RNPC3: variants seen among roughly 807,000 people sequenced by gnomAD.
RNPC3 encodes the protein RNA binding region (RNP1, RRM) containing 3.
Under a neutral mutation model 67.5 loss-of-function variants are expected in RNPC3, and 48 were observed. The ratio of observed to expected loss-of-function variants is 0.71; its 90% CI spans 0.56 to 0.90. RNPC3 has a LOEUF of 0.90. RNPC3 is among the 40% of genes least tolerant of loss of function. The probability of loss-of-function intolerance (pLI) is 0.00; values close to 1 mark genes in which losing one functional copy is unlikely to be tolerated. For synonymous variants in RNPC3, 239 were observed against 210.3 expected, an observed-to-expected ratio of 1.14 and a Z score of -1.18; for missense variants, 637 against 626.1, an observed-to-expected ratio of 1.02 and a Z score of -0.19.
At chr1:103,526,988 G>C (rs1321131509) in intron 1 of RNPC3, among the ~76,000 whole-genome samples, 1 of 151,500 alleles carries the variant, frequency 6.6e-6, no homozygotes, top group Admixed American at 6.6e-5. Context: ...GACCAATTTT[G>C]ATCAGTTTAA....
At chr1:103,542,340 A>C (rs941786505) in intron 8 of RNPC3, among the ~76,000 whole-genome samples, 1 of 151,996 alleles carries the variant, frequency 6.6e-6, no homozygotes, top group Non-Finnish European at 1.5e-5. Flanking sequence ...ATAAAAGGAA[A>C]GTTTCCAGAG....
intron 7 of RNPC3, 130 bp from the exon 8 acceptor site, chr1:103,541,220 T>A: frequency 1.7e-6 from 1 of 596,582 alleles, no homozygotes; most frequent in Non-Finnish European, 2.6e-6. Flanking sequence ...TTCTATATAT[T>A]TGATGTAAGT....
chr1:103,526,048 C>T lies in RNPC3; in HGVS notation c.-23C>T, dbSNP rs1400936721. ...TGACTGAGACTTCTTCCCACGATTT[C>T]TGTTTTTGCTTCTCCAAGGAAAATG... On this transcript the variant is annotated 5_prime_UTR_variant, in exon 1 of 15. Coordinates refer to ENST00000423855, the MANE Select transcript of RNPC3 (RefSeq NM_017619.4). 4 of 1,496,120 alleles carry T rather than the reference C, an allele frequency of 2.7e-6. No individual in the cohort carries two copies. The South Asian group carries it at 3.8e-5, about 14-fold the overall frequency. 92.7% of individuals were successfully genotyped at this position (1,496,120 alleles called of 1,614,324 possible).
intron 12 of RNPC3, among the ~76,000 whole-genome samples, chr1:103,549,899 A>G (rs973525561): frequency 6.6e-6 from 1 of 152,092 alleles, no homozygotes; most frequent in Non-Finnish European, 1.5e-5. Context: ...GTGGTGGTTC[A>G]TGCCTGTAAT....
At chr1:103,544,463 A>G (rs1651197646) in intron 9 of RNPC3, among the ~76,000 whole-genome samples, 1 of 151,866 alleles carries the variant, frequency 6.6e-6, no homozygotes, top group South Asian at 2.1e-4. Context: ...TCAATATTTT[A>G]TCATGCCTTT....
chr1:103,537,929 T>C (rs1362638052), intron 7 of RNPC3, among the ~76,000 whole-genome samples: 1 of 152,084 alleles, frequency 6.6e-6, no homozygotes, highest in Non-Finnish European at 1.5e-5. Flanking sequence ...CCACAGCCTC[T>C]GCCTCCCAGG....
At chr1:103,533,666 T>G in intron 2 of RNPC3, 73 bp from the exon 3 acceptor site, 1 of 765,132 alleles carries the variant, frequency 1.3e-6, no homozygotes, top group Non-Finnish European at 2.1e-6. Context: ...AAAAAAAAAG[T>G]ATAAAAATTG....
At chr1:103,543,704 T>A (rs1408705553) in intron 9 of RNPC3, among the ~76,000 whole-genome samples, 1 of 151,780 alleles carries the variant, frequency 6.6e-6, no homozygotes, top group Non-Finnish European at 1.5e-5. Context: ...TGCTGATGTT[T>A]ACACTAAAAA....
Position 103,534,801 on chromosome 1 carries a change from A to AG in RNPC3, c.388dup (p.Glu130GlyfsTer52). 6.5e-7 allele frequency: 1 copy of AG among 1,532,190 alleles called. No individual in the cohort carries two copies. Among genetic ancestry groups the AG allele is most frequent in the Non-Finnish European group, 8.7e-7 (1 of 1,144,254 alleles). 94.9% of individuals were successfully genotyped at this position (1,532,190 alleles called of 1,614,324 possible). ...CTGATGACCCTGTCGAAGATGATAAAGAAAAAAAAGAACTTGGTTATTTAA... is the reference window on the plus strand; with the variant it reads ...CTGATGACCCTGTCGAAGATGATAAAGGAAAAAAAAGAACTTGGTTATTTAA... On this transcript the variant is annotated frameshift_variant, in exon 4 of 15. Transcript: ENST00000423855. LOFTEE classifies it high-confidence loss of function.
At chr1:103,550,310 G>A (rs890235075) in intron 12 of RNPC3, among the ~76,000 whole-genome samples, 5 of 151,746 alleles carry the variant, frequency 3.3e-5, no homozygotes, top group Admixed American at 3.3e-4. Flanking sequence ...CAGATTGTAA[G>A]GAACTTAAAA....
At chr1:103,550,056 C>T (rs994612164) in intron 12 of RNPC3, among the ~76,000 whole-genome samples, 11 of 151,458 alleles carry the variant, frequency 7.3e-5, no homozygotes, top group African/African-American at 1.5e-4. Context: ...CCCAGCTACC[C>T]GGGGGGCTGA....
At chr1:103,547,542 G>C (rs1480033835) in intron 12 of RNPC3, among the ~76,000 whole-genome samples, 1 of 152,168 alleles carries the variant, frequency 6.6e-6, no homozygotes, top group Non-Finnish European at 1.5e-5. Flanking sequence ...GTTTCTAAAA[G>C]GCTCCTGGAT....
chr1:103,530,583 A>G (rs912748135), intron 2 of RNPC3, among the ~76,000 whole-genome samples: 21 of 152,282 alleles, frequency 1.4e-4, no homozygotes, highest in Admixed American at 7.8e-4. Flanking sequence ...CATAGAATCT[A>G]TATTATGTAG....
intron 6 of RNPC3, among the ~76,000 whole-genome samples, chr1:103,536,929 G>C (rs892303354): frequency 2.0e-5 from 3 of 152,132 alleles, no homozygotes; most frequent in Non-Finnish European, 4.4e-5. Flanking sequence ...CTTTCCAAAA[G>C]TAGAGCAGAG....
At position 103,526,147 on chromosome 1, in the gene RNPC3, A is replaced by T; in HGVS notation, c.77A>T (p.Asp26Val). 1 of 1,551,414 alleles carries T rather than the reference A, an allele frequency of 6.4e-7. No individual in the cohort carries two copies. Among genetic ancestry groups the T allele is most frequent in the Non-Finnish European group, 8.7e-7 (1 of 1,146,890 alleles). Residue 26 changes from aspartate (D) to valine (V), a missense_variant, in exon 1 of 15, where the codon GAC (aspartate) becomes GTC (valine). Asp to Val is a radical substitution (Grantham distance 152). This residue lies in a region of RNPC3 where 536 missense variants were observed against 500.3 expected (regional missense o/e 1.07). Transcript: ENST00000423855. ...SSSSLSPPRG[D>V]RTLLVRHLPA... ...TCCTCGCTTTCCCCGCCTCGGGGCG[A>T]CCGAACCCTTCTGGTCAGGCACCTG... is the stretch of plus-strand genomic sequence containing the variant.
intron 7 of RNPC3, among the ~76,000 whole-genome samples, chr1:103,539,188 T>G (rs1049503799): frequency 6.6e-6 from 1 of 152,106 alleles, no homozygotes; most frequent in African/African-American, 2.4e-5. Context: ...AAATCTTAGG[T>G]GACTGTGCAC....
intron 2 of RNPC3, among the ~76,000 whole-genome samples, chr1:103,532,345 C>T (rs532695516): frequency 1.6e-4 from 25 of 152,178 alleles, no homozygotes; most frequent in Admixed American, 3.9e-4. Flanking sequence ...AATGGAGTTG[C>T]TATCAACTGA....
At chr1:103,537,960 C>T (rs1651034527) in intron 7 of RNPC3, among the ~76,000 whole-genome samples, 1 of 152,096 alleles carries the variant, frequency 6.6e-6, no homozygotes, top group African/African-American at 2.4e-5. Flanking sequence ...TTTCCTGCCT[C>T]AGCTTCCCGA....
At chr1:103,544,300 G>C (rs1651194379) in intron 9 of RNPC3, among the ~76,000 whole-genome samples, 1 of 151,730 alleles carries the variant, frequency 6.6e-6, no homozygotes, top group Non-Finnish European at 1.5e-5. Context: ...TTAATGACTT[G>C]TTGAAAGTTT....
Sources: allele counts gnomAD v4.1 joint callset (sites outside exome capture counted in the v4.1 genomes callset), GRCh38; gene constraint gnomAD v4.1.1; regional missense constraint gnomAD v4.1.1; transcripts MANE v1.5; gene names NCBI Gene and HGNC (gene_info 2026-07-23, HGNC 2026-07-21).